The following THSD7A variants were observed in gnomAD, a reference collection of about 807,000 sequenced individuals.
THSD7A encodes thrombospondin type-1 domain-containing protein 7A.
A neutral mutation model predicts 231.3 loss-of-function variants in THSD7A; 96 were observed. That is an observed-to-expected ratio of 0.41 (90% CI 0.35 to 0.49). The LOEUF is 0.49. THSD7A is among the 20% of genes least tolerant of loss of function. The pLI, the probability that THSD7A is intolerant of heterozygous loss-of-function variation, is 0.05. For synonymous variants in THSD7A, 940 were observed against 743.3 expected (o/e 1.26, Z -4.30); for missense variants, 2,290 against 2,070.2 (o/e 1.11, Z -2.06).
rs1373134207 is a variant in THSD7A at position 11,411,227 on chromosome 7, C to G, written c.3778G>C (p.Asp1260His). The change falls in exon 19 of 28, where the codon GAC (aspartate) becomes CAC (histidine). Residue 1260 changes from aspartate to histidine, a missense_variant. By Grantham distance (81) the Asp-to-His change is moderately conservative. Coordinates refer to ENST00000423059, the MANE Select transcript of THSD7A (RefSeq NM_015204.3). This position sits in a 1 kb window ranked among gnomAD's most constrained non-coding sequence, Gnocchi z 4.1. ...DCVRSDGKSV[D>H]LKYCEALGLE... ...CCTACCGCTTCACAATATTTCAGGT[C>G]AACTGACTTGCCATCACTTCGAACA... The G allele has an allele frequency of 6.2e-7, 1 of 1,613,554 alleles. No individual in the cohort carries two copies. The highest frequency in any genetic ancestry group is 1.1e-5 in the South Asian group (1 of 91,022).
chr7:11,791,093 AG>A (rs1299750089), intron 1 of THSD7A, among the ~76,000 whole-genome samples: 2 of 152,010 alleles, frequency 1.3e-5, no homozygotes, highest in Non-Finnish European at 2.9e-5. Context: ...GCAAGTATAA[AG>A]GAAAACTACA....
At chr7:11,589,641 T>A (rs1780074051) in intron 4 of THSD7A, among the ~76,000 whole-genome samples, 1 of 152,182 alleles carries the variant, frequency 6.6e-6, no homozygotes, top group Admixed American at 6.5e-5. Flanking sequence ...AAATTGTATA[T>A]GTTAATATAC....
intron 1 of THSD7A, among the ~76,000 whole-genome samples, chr7:11,777,160 AG>A (rs1476511482): frequency 6.6e-6 from 1 of 152,218 alleles, no homozygotes; most frequent in Non-Finnish European, 1.5e-5. Context: ...ATTTCTAAAA[AG>A]CCCATTTCCT....
At chr7:11,498,246 C>CAG (rs1249663801) in intron 6 of THSD7A, among the ~76,000 whole-genome samples, 1 of 152,184 alleles carries the variant, frequency 6.6e-6, no homozygotes, top group East Asian at 1.9e-4. Context: ...AAGGAGCTCT[C>CAG]AGAGAGAGGG....
At chr7:11,827,150 A>G (rs73676206) in intron 1 of THSD7A, among the ~76,000 whole-genome samples, 112 of 152,252 alleles carry the variant, frequency 7.4e-4, no homozygotes, top group African/African-American at 2.4e-3. Flanking sequence ...GATTACAGGT[A>G]TGAGCCACCA....
intron 1 of THSD7A, among the ~76,000 whole-genome samples, chr7:11,776,748 A>T (rs889806197): frequency 3.9e-5 from 6 of 152,230 alleles, no homozygotes; most frequent in African/African-American, 1.4e-4. Context: ...GGAGCTAAAG[A>T]CGCATCTTGA....
chr7:11,752,742 A>C (rs4721010), intron 1 of THSD7A, among the ~76,000 whole-genome samples: 33,847 of 151,740 alleles, frequency 0.22, 5,464 homozygotes, highest in African/African-American at 0.46. Context: ...ATAATGATAC[A>C]TCAGCTCTCC....
chr7:11,674,513 A>G (rs1205994173), intron 1 of THSD7A, among the ~76,000 whole-genome samples: 1 of 152,144 alleles, frequency 6.6e-6, no homozygotes, highest in Non-Finnish European at 1.5e-5. Flanking sequence ...CCACATAACA[A>G]AAACATTGCT....
intron 6 of THSD7A, among the ~76,000 whole-genome samples, chr7:11,528,775 A>G (rs893056466): frequency 1.3e-5 from 2 of 152,174 alleles, no homozygotes; most frequent in African/African-American, 4.8e-5. Context: ...CTGAGATAAG[A>G]AATCTCATAT....
chr7:11,550,067 T>C (rs918456539), intron 4 of THSD7A, among the ~76,000 whole-genome samples: 7 of 152,148 alleles, frequency 4.6e-5, no homozygotes, highest in African/African-American at 1.7e-4. Flanking sequence ...ACAGATGATA[T>C]GCTTTTATAC....
chr7:11,706,834 A>C (rs1203453604), intron 1 of THSD7A, among the ~76,000 whole-genome samples: 1 of 150,574 alleles, frequency 6.6e-6, no homozygotes, highest in Non-Finnish European at 1.5e-5. Context: ...TGAATGACTT[A>C]TCGGCAAATG....
Position 11,828,419 on chromosome 7 carries a change from A to G in THSD7A, c.190+3338T>C, listed in dbSNP as rs542256174. On this transcript the variant is annotated intron_variant, in intron 1 of 27. Coordinates refer to ENST00000423059, the MANE Select transcript of THSD7A (RefSeq NM_015204.3). ...ATCCACCTCATCCTTCAAGACCCAG[A>G]TCATATATTAAATTATCTTTGCGAC... 2.0e-5 allele frequency among the ~76,000 whole-genome samples: 3 copies of G among 152,214 alleles called. No individual in the cohort carries two copies. In the East Asian group the frequency reaches 5.8e-4, roughly 29 times the overall value.
intron 6 of THSD7A, among the ~76,000 whole-genome samples, chr7:11,515,678 T>C (rs1483564112): frequency 6.6e-6 from 1 of 152,048 alleles, no homozygotes; most frequent in African/African-American, 2.4e-5. Context: ...AAACCAAGCT[T>C]GTGATGGGGA....
chr7:11,567,081 G>A (rs35419645), intron 4 of THSD7A, among the ~76,000 whole-genome samples: 1 of 151,374 alleles, frequency 6.6e-6, no homozygotes, highest in African/African-American at 2.4e-5. Context: ...CTAAGTAAAA[G>A]CTAATAATCC....
At chr7:11,607,097 C>T (rs776101352) in intron 2 of THSD7A, among the ~76,000 whole-genome samples, 3 of 151,884 alleles carry the variant, frequency 2.0e-5, no homozygotes, top group Non-Finnish European at 4.4e-5. Flanking sequence ...AGCCATCAGC[C>T]GATTGACAGG....
intron 6 of THSD7A, among the ~76,000 whole-genome samples, chr7:11,510,296 A>C (rs952407625): frequency 6.6e-6 from 1 of 152,158 alleles, no homozygotes; most frequent in Non-Finnish European, 1.5e-5. Context: ...CCTACCAACC[A>C]AAAAAAGTCC....
chr7:11,670,369 T>C (rs890360717), intron 1 of THSD7A, among the ~76,000 whole-genome samples: 1 of 152,196 alleles, frequency 6.6e-6, no homozygotes, highest in Non-Finnish European at 1.5e-5. Context: ...CCTGAGGCTG[T>C]GTAATGGAAG....
rs1788265577 is a variant in THSD7A, at chr7:11,521,513, TA to T, written c.1822+19905del. 1.4e-5 allele frequency among the ~76,000 whole-genome samples: 2 copies of T among 142,322 alleles called. 1 individual carries two copies. The highest frequency in any genetic ancestry group is 3.0e-5 in the Non-Finnish European group (2 of 66,040). The allele number at this position is 142,322 out of a possible 152,430, so 93.4% of individuals were successfully genotyped here. On this transcript the variant is annotated intron_variant, in intron 6 of 27. Transcript: ENST00000423059. ...ATTTATTTATTTTTTTATTATACTC[TA>T]AGTTTTAGGGTACATGTGCACATTG...
intron 6 of THSD7A, among the ~76,000 whole-genome samples, chr7:11,484,126 T>C (rs1382819220): frequency 6.6e-6 from 1 of 152,014 alleles, no homozygotes. Context: ...CTACCACCCT[T>C]AATCCTCTGT....
Sources: allele counts gnomAD v4.1 joint callset (sites outside exome capture counted in the v4.1 genomes callset), GRCh38; gene constraint gnomAD v4.1.1; non-coding constraint Gnocchi (gnomAD v3.1); transcripts MANE v1.5; gene names NCBI Gene and HGNC (gene_info 2026-07-23, HGNC 2026-07-21).